SCYL2: variants seen among roughly 807,000 people sequenced by gnomAD.
SCYL2 encodes the protein SCY1 like pseudokinase 2.
Under a neutral mutation model 100.4 loss-of-function variants are expected in SCYL2, and 36 were observed. The ratio of observed to expected loss-of-function variants is 0.36; its 90% CI spans 0.27 to 0.47. The LOEUF (loss-of-function observed/expected upper bound fraction) is 0.47, where lower values mean the gene tolerates loss of function less well. Among genes scored for constraint, SCYL2 ranks in the 20% least tolerant of loss-of-function variants. The pLI is 1.00. For missense variants in SCYL2, 902 were observed against 1,083.9 expected (o/e 0.83, Z 2.36); for synonymous variants, 330 against 359.2 (o/e 0.92, Z 0.92).
intron 3 of SCYL2, among the ~76,000 whole-genome samples, chr12:100,294,778 G>A (rs1446571685): frequency 1.4e-4 from 20 of 142,486 alleles, no homozygotes; most frequent in East Asian, 8.9e-4. Context: ...CGGACGGGGC[G>A]GCTGGCCGGG....
rs58596287 is a variant in SCYL2, at chr12:100,279,355, G to A, written c.-28-3588G>A. On this transcript the variant is annotated intron_variant, in intron 1 of 17. Coordinates refer to ENST00000360820, the MANE Select transcript of SCYL2 (RefSeq NM_017988.6). ...GGAGCTTAGGCAGTAATGCTTGCTC[G>A]CCTACCGCTCACCTCCTGCTCTGCA... 5.6e-3 allele frequency among the ~76,000 whole-genome samples: 858 copies of A among 152,330 alleles called. 9 individuals are homozygous for A. The highest frequency in any genetic ancestry group is 0.02 in the African/African-American group (820 of 41,568).
intron 7 of SCYL2, 62 bp from the exon 8 acceptor site, chr12:100,314,427 C>T (rs1469554229): frequency 2.4e-6 from 3 of 1,230,786 alleles, no homozygotes; most frequent in Non-Finnish European, 3.4e-6. Flanking sequence ...GTGACAGTTT[C>T]AGATATGAGA....
intron 8 of SCYL2, 64 bp downstream of exon 8, chr12:100,314,678 AC>A (rs1408804727): frequency 5.0e-5 from 68 of 1,354,584 alleles, no homozygotes; most frequent in Non-Finnish European, 6.8e-5. Flanking sequence ...ATTTTGACTT[AC>A]TACCATAACT....
rs1208202645 is a variant in SCYL2, at chr12:100,313,523, A to G, written c.954A>G (p.Ala318=). ...LNVTPTVRPD[A]DQMTKIPFFD... ...TAACTCCGACTGTAAGACCAGATGC[A>G]GATCAAATGACAAAGGTGAGTACAT... is the stretch of plus-strand genomic sequence containing the variant. Residue 318 remains alanine (A), a synonymous_variant, in exon 7 of 18, where the codon GCA becomes GCG. Transcript: ENST00000360820. 6.3e-7 allele frequency: 1 copy of G among 1,584,822 alleles called. No individual in the cohort carries two copies. The highest frequency in any genetic ancestry group is 8.7e-7 in the Non-Finnish European group (1 of 1,154,590).
At chr12:100,277,200 ACCATTTTTAGTGAATGTT>A (rs1341380614) in intron 1 of SCYL2, among the ~76,000 whole-genome samples, 1 of 152,214 alleles carries the variant, frequency 6.6e-6, no homozygotes, top group Non-Finnish European at 1.5e-5. Context: ...CTACATGAAA[ACCATTTTTAGTGAATGTT>A]ACATGTCTGC....
At chr12:100,274,247 G>A (rs1340118688) in intron 1 of SCYL2, among the ~76,000 whole-genome samples, 1 of 152,170 alleles carries the variant, frequency 6.6e-6, no homozygotes, top group South Asian at 2.1e-4. Flanking sequence ...TTTTGCTTGT[G>A]TATCCAATAA....
chr12:100,291,657 C>T lies in SCYL2; in HGVS notation c.332C>T (p.Ser111Phe), dbSNP rs2096310799. ...LLTVQHPLEE[S>F]RDCLAFCTEP... ...ACTGTCCAGCATCCTTTAGAAGAAT[C>T]CAGGTAAATTTTTACAAAAACTTAC... Residue 111 changes from serine (S) to phenylalanine (F), a missense_variant, in exon 3 of 18, where the codon TCC (serine) becomes TTC (phenylalanine). Physicochemically the swap from Ser to Phe is radical, Grantham distance 155 (BLOSUM62 -2). Transcript: ENST00000360820. 6.4e-7 allele frequency: 1 copy of T among 1,571,394 alleles called. No individual in the cohort carries two copies. Among genetic ancestry groups the T allele is most frequent in the Non-Finnish European group, 8.6e-7 (1 of 1,167,250 alleles).
chr12:100,321,698 C>A (rs553970671), intron 10 of SCYL2, among the ~76,000 whole-genome samples: 14 of 152,218 alleles, frequency 9.2e-5, no homozygotes, highest in Non-Finnish European at 1.9e-4. Context: ...TCATATATAT[C>A]CTTCTAGTCT....
At chr12:100,326,816 T>TA (rs1349188085) in intron 12 of SCYL2, 62 bp downstream of exon 12, 1 of 1,407,836 alleles carries the variant, frequency 7.1e-7, no homozygotes, top group East Asian at 2.3e-5. Context: ...TTCCAATCTA[T>TA]AAAACAATTA....
chr12:100,271,248 C>G (rs372736427), intron 1 of SCYL2, among the ~76,000 whole-genome samples: 44 of 130,568 alleles, frequency 3.4e-4, no homozygotes, highest in African/African-American at 1.3e-3. Context: ...AGCCCTGCTC[C>G]TTGCAGAGCA....
chr12:100,319,302 TTTCTTAG>T, intron 10 of SCYL2: 1 of 455,206 alleles, frequency 2.2e-6, no homozygotes, highest in Non-Finnish European at 4.4e-6. Context: ...TCTACCTCTA[TTTCTTAG>T]TTCTTTTTAA....
intron 10 of SCYL2, among the ~76,000 whole-genome samples, chr12:100,322,809 A>G (rs2096357596): frequency 6.6e-6 from 1 of 151,394 alleles, no homozygotes; most frequent in Non-Finnish European, 1.5e-5. Flanking sequence ...TCTGTGAGCC[A>G]AGGTCATGTC....
At chr12:100,270,056 G>A (rs1465377567) in intron 1 of SCYL2, among the ~76,000 whole-genome samples, 1 of 150,758 alleles carries the variant, frequency 6.6e-6, no homozygotes, top group East Asian at 2.0e-4. Context: ...GCGCGATCTC[G>A]GCTCACTGCA....
At chr12:100,280,895 T>A (rs1257651257) in intron 1 of SCYL2, among the ~76,000 whole-genome samples, 2 of 152,014 alleles carry the variant, frequency 1.3e-5, no homozygotes, top group Admixed American at 1.3e-4. Flanking sequence ...TTATTAAAAA[T>A]TACCAATTAA....
chr12:100,282,516 G>A (rs1393810696), intron 1 of SCYL2, among the ~76,000 whole-genome samples: 1 of 151,788 alleles, frequency 6.6e-6, no homozygotes, highest in African/African-American at 2.4e-5. Context: ...GGTAGAGATG[G>A]CATTTCACCA....
chr12:100,286,436 T>A (rs2096304527), intron 2 of SCYL2, among the ~76,000 whole-genome samples: 1 of 152,094 alleles, frequency 6.6e-6, no homozygotes, highest in South Asian at 2.1e-4. Context: ...TTATGACTTT[T>A]TATATTTGCT....
chr12:100,285,928 A>C (rs1222145205), intron 2 of SCYL2, among the ~76,000 whole-genome samples: 3 of 152,098 alleles, frequency 2.0e-5, no homozygotes, highest in Non-Finnish European at 4.4e-5. Flanking sequence ...TAAAGATGGA[A>C]ATTTTTATTT....
intron 10 of SCYL2, among the ~76,000 whole-genome samples, chr12:100,320,261 C>T (rs867818784): frequency 6.6e-6 from 1 of 151,956 alleles, no homozygotes; most frequent in African/African-American, 2.4e-5. Flanking sequence ...TTCCTCATCC[C>T]GGGCTGGGTG....
intron 1 of SCYL2, among the ~76,000 whole-genome samples, chr12:100,270,990 T>C (rs541274169): frequency 6.6e-6 from 1 of 152,242 alleles, no homozygotes; most frequent in African/African-American, 2.4e-5. Flanking sequence ...TCTTCTGTAA[T>C]CTGTTCTGGC....
Sources: gnomAD v4.1 joint callset for allele counts (sites outside exome capture counted in the v4.1 genomes callset) on GRCh38, gnomAD v4.1.1 for gene constraint, MANE v1.5 for transcripts, NCBI Gene and HGNC (gene_info 2026-07-23, HGNC 2026-07-21) for gene names.